Variants in SYNPR observed in about 807,000 individuals in gnomAD.
The protein encoded by SYNPR is synaptoporin.
SYNPR carries 23 observed loss-of-function variants against 32.9 expected under a neutral mutation model. The ratio of observed to expected loss-of-function variants is 0.70; its 90% confidence interval spans 0.50 to 0.99. SYNPR has a LOEUF of 0.99. Ranked by LOEUF, SYNPR falls within the 50% of genes least tolerant of loss-of-function variation. The pLI is 0.00. For synonymous variants in SYNPR, 146 were observed against 135.9 expected (o/e 1.07, Z -0.52); for missense variants, 318 against 349.3 (o/e 0.91, Z 0.71).
chr3:63,358,187 T>C (rs1174047953), intron 2 of SYNPR, among the ~76,000 whole-genome samples: 1 of 152,208 alleles, frequency 6.6e-6, no homozygotes, highest in East Asian at 1.9e-4. Context: ...CTGTAACAAA[T>C]TACCACAAAC....
chr3:63,495,959 T>TG, intron 3 of SYNPR, among the ~76,000 whole-genome samples: 1 of 151,720 alleles, frequency 6.6e-6, no homozygotes, highest in East Asian at 1.9e-4. Flanking sequence ...GGACTTTGGA[T>TG]AACGGTATGT....
intron 2 of SYNPR, among the ~76,000 whole-genome samples, chr3:63,394,153 A>G (rs2088180068): frequency 6.6e-6 from 1 of 152,176 alleles, no homozygotes; most frequent in African/African-American, 2.4e-5. Context: ...CCACTTCCAA[A>G]TGAGCTTTGG....
chr3:63,442,829 T>G (rs1298241319), intron 2 of SYNPR, among the ~76,000 whole-genome samples: 12 of 152,200 alleles, frequency 7.9e-5, no homozygotes, highest in Admixed American at 7.9e-4. Context: ...GGATTATGCA[T>G]AACAGCTATG....
intron 4 of SYNPR, among the ~76,000 whole-genome samples, chr3:63,588,871 A>T (rs771428459): frequency 3.3e-5 from 5 of 152,006 alleles, no homozygotes; most frequent in Admixed American, 6.6e-5. Context: ...TCTTTCTAAG[A>T]GGGATAGGGT....
chr3:63,251,570 G>T (rs367968585), intron 1 of SYNPR, among the ~76,000 whole-genome samples: 2 of 152,118 alleles, frequency 1.3e-5, no homozygotes, highest in Non-Finnish European at 1.5e-5. Flanking sequence ...ACTAAAATCT[G>T]ACAGAGCTTG....
chr3:63,208,326 T>C, the SYNPR span, among the ~76,000 whole-genome samples: 5 of 152,140 alleles, frequency 3.3e-5, no homozygotes, highest in Admixed American at 1.3e-4. Context: ...GCCTCCTGAA[T>C]TGGGGTATGA....
intron 3 of SYNPR, among the ~76,000 whole-genome samples, chr3:63,268,722 G>A (rs1170099215): frequency 2.0e-5 from 3 of 151,994 alleles, no homozygotes; most frequent in African/African-American, 7.3e-5. Context: ...GGAGGTGGAA[G>A]AAAATCCACA....
At chr3:63,422,795 C>T (rs190193709) in intron 2 of SYNPR, among the ~76,000 whole-genome samples, 2 of 152,000 alleles carry the variant, frequency 1.3e-5, no homozygotes, top group African/African-American at 4.8e-5. Flanking sequence ...AATTTCACTG[C>T]TATATAGATA....
At chr3:63,234,938 A>G in intron 1 of SYNPR, among the ~76,000 whole-genome samples, 1 of 152,232 alleles carries the variant, frequency 6.6e-6, no homozygotes, top group East Asian at 1.9e-4. Flanking sequence ...ACTGTCACCA[A>G]CAATACAAAA....
At chr3:63,297,696 G>A (rs2086804577) in intron 2 of SYNPR, among the ~76,000 whole-genome samples, 1 of 152,096 alleles carries the variant, frequency 6.6e-6, no homozygotes, top group African/African-American at 2.4e-5. Context: ...ACCTCCTCAA[G>A]CACTCAAAGG....
At chr3:63,587,298 A>G (rs1004486549) in intron 4 of SYNPR, among the ~76,000 whole-genome samples, 2 of 152,084 alleles carry the variant, frequency 1.3e-5, no homozygotes, top group African/African-American at 4.8e-5. Flanking sequence ...TTTAATTTTA[A>G]TCCTCACAAC....
At chr3:63,591,866 G>A (rs1250950615) in intron 4 of SYNPR, among the ~76,000 whole-genome samples, 8 of 148,302 alleles carry the variant, frequency 5.4e-5, no homozygotes, top group Admixed American at 4.1e-4. Context: ...TAGATGACGC[G>A]TTAGTGGGTG....
At chr3:63,253,178 T>A (rs1005786188) in intron 2 of SYNPR, among the ~76,000 whole-genome samples, 1 of 152,168 alleles carries the variant, frequency 6.6e-6, no homozygotes, top group South Asian at 2.1e-4. Context: ...TGCCAAATAA[T>A]CACCATTTGA....
At chr3:63,507,724 G>A (rs958674997) in intron 3 of SYNPR, among the ~76,000 whole-genome samples, 1 of 152,160 alleles carries the variant, frequency 6.6e-6, no homozygotes, top group Non-Finnish European at 1.5e-5. Context: ...GGGGAAACTA[G>A]AGGAAGAGTA....
intron 2 of SYNPR, among the ~76,000 whole-genome samples, chr3:63,320,496 A>T (rs549213717): frequency 1.3e-5 from 2 of 152,186 alleles, no homozygotes; most frequent in African/African-American, 4.8e-5. Flanking sequence ...GTAAAAAATT[A>T]AAAAGCCTGA....
chr3:63,431,464 G>C (rs896631163), intron 2 of SYNPR, among the ~76,000 whole-genome samples: 1 of 152,160 alleles, frequency 6.6e-6, no homozygotes, highest in African/African-American at 2.4e-5. Flanking sequence ...ATTGGGTTAA[G>C]AGAACAGACA....
At chr3:63,534,839 T>A (rs1035720128) in intron 3 of SYNPR, among the ~76,000 whole-genome samples, 8 of 152,118 alleles carry the variant, frequency 5.3e-5, no homozygotes, top group African/African-American at 1.9e-4. Flanking sequence ...TGGGAACTAA[T>A]AGAGTGAGAA....
At chr3:63,246,883 T>C (rs1376565290) in intron 1 of SYNPR, among the ~76,000 whole-genome samples, 1 of 152,062 alleles carries the variant, frequency 6.6e-6, no homozygotes, top group African/African-American at 2.4e-5. Context: ...ACCTACACAA[T>C]ATTGATTTAT....
intron 2 of SYNPR, among the ~76,000 whole-genome samples, chr3:63,412,875 G>A (rs1261137270): frequency 6.6e-6 from 1 of 152,170 alleles, no homozygotes; most frequent in African/African-American, 2.4e-5. Context: ...TCAGATTTGT[G>A]TTTTAGGTAG....
Sources: gnomAD v4.1 joint callset for allele counts (sites outside exome capture counted in the v4.1 genomes callset) on GRCh38, gnomAD v4.1.1 for gene constraint, MANE v1.5 for transcripts, NCBI Gene and HGNC (gene_info 2026-07-23, HGNC 2026-07-21) for gene names.